LEPR: variants seen among roughly 807,000 people sequenced by gnomAD.
LEPR encodes leptin receptor, also known as OB receptor.
In LEPR, 56 loss-of-function variants were observed where a neutral mutation model predicts 114.7. The observed-to-expected ratio is 0.49, with a 90% CI of 0.39 to 0.61. The LOEUF (loss-of-function observed/expected upper bound fraction) is 0.61. Among genes scored for constraint, LEPR ranks in the 20% least tolerant of loss-of-function variants. The pLI is 0.00. For missense variants in LEPR, 1,202 were observed against 1,352.9 expected (o/e 0.89, Z 1.75); for synonymous variants, 443 against 461.4 (o/e 0.96, Z 0.51).
intron 3 of LEPR, among the ~76,000 whole-genome samples, chr1:65,567,742 TA>T (rs1470106612): frequency 6.6e-6 from 1 of 152,232 alleles, no homozygotes; most frequent in African/African-American, 2.4e-5. Context: ...CTTACATTTT[TA>T]AAAAGCCTTT....
chr1:65,521,080 C>T (rs1247022472), intron 2 of LEPR, among the ~76,000 whole-genome samples: 3 of 152,218 alleles, frequency 2.0e-5, no homozygotes, highest in African/African-American at 7.2e-5. Flanking sequence ...CTGTTCCCAA[C>T]AGTTGTTGGC....
chr1:65,491,681 A>G (rs962371635), intron 2 of LEPR, among the ~76,000 whole-genome samples: 3 of 152,114 alleles, frequency 2.0e-5, no homozygotes, highest in African/African-American at 7.2e-5. Flanking sequence ...GCCAGACATT[A>G]CAGTGGGGAG....
At chr1:65,592,602 C>G in intron 5 of LEPR, 55 bp from the exon 6 acceptor site, 2 of 1,583,590 alleles carry the variant, frequency 1.3e-6, no homozygotes, top group East Asian at 2.2e-5. Flanking sequence ...GCTTTAAAAG[C>G]CTATCCAGTA....
intron 19 of LEPR, chr1:65,635,527 T>C (rs1658687163): frequency 3.8e-6 from 1 of 265,674 alleles, no homozygotes; most frequent in Non-Finnish European, 5.8e-6. Context: ...TGTGATCATC[T>C]CTTTCATCAT....
At chr1:65,424,503 T>G (rs1646318200) in intron 1 of LEPR, among the ~76,000 whole-genome samples, 1 of 152,052 alleles carries the variant, frequency 6.6e-6, no homozygotes, top group Non-Finnish European at 1.5e-5. Flanking sequence ...ATCCATTGGA[T>G]AGGGGTTAGG....
intron 2 of LEPR, among the ~76,000 whole-genome samples, chr1:65,512,548 A>G (rs1039470101): frequency 2.6e-5 from 4 of 152,198 alleles, no homozygotes; most frequent in Middle Eastern, 3.4e-3. Context: ...ACACTTTTCA[A>G]TGCACTTCAG....
chr1:65,564,201 C>T (rs867496383), intron 2 of LEPR, among the ~76,000 whole-genome samples: 888 of 131,820 alleles, frequency 6.7e-3, no homozygotes, highest in Middle Eastern at 8.3e-3. Flanking sequence ...TAGCAATCAG[C>T]GAGATTCCGT....
intron 2 of LEPR, among the ~76,000 whole-genome samples, chr1:65,525,315 C>G (rs538812354): frequency 1.9e-3 from 291 of 152,304 alleles, no homozygotes; most frequent in African/African-American, 6.5e-3. Flanking sequence ...CTATCTCAAG[C>G]CTGCGGTCAC....
intron 19 of LEPR, among the ~76,000 whole-genome samples, chr1:65,629,040 C>T (rs773957890): frequency 2.0e-5 from 3 of 152,054 alleles, no homozygotes; most frequent in Non-Finnish European, 4.4e-5. Context: ...GAAATGTAGA[C>T]GGTATCTATT....
At chr1:65,576,573 T>C (rs1358066920) in intron 5 of LEPR, 1 of 154,048 alleles carries the variant, frequency 6.5e-6, no homozygotes, top group Non-Finnish European at 1.4e-5. Context: ...GGGTCCCAGA[T>C]ATCTGCATCT....
chr1:65,455,662 G>A (rs1249940315), intron 2 of LEPR, among the ~76,000 whole-genome samples: 1 of 152,194 alleles, frequency 6.6e-6, no homozygotes, highest in African/African-American at 2.4e-5. Flanking sequence ...GCTGCGTGCT[G>A]GGAGAACCAC....
intron 2 of LEPR, among the ~76,000 whole-genome samples, chr1:65,439,401 T>C (rs901968795): frequency 6.6e-6 from 1 of 152,206 alleles, no homozygotes; most frequent in African/African-American, 2.4e-5. Flanking sequence ...AAATGATTTT[T>C]GATGTTAAGG....
Position 65,499,235 on chromosome 1 carries a change from GA to G in LEPR, c.-20-66308del, listed in dbSNP as rs577717288. On this transcript the variant is annotated intron_variant, in intron 2 of 19. Transcript: ENST00000349533. ...TTTTAGGACATAGGAAAGATGGGGG[GA>G]AATAGATGGCAAACTAATTGTAAGT... Among the ~76,000 whole-genome samples, 673 of 152,192 alleles carry G rather than the reference GA, an allele frequency of 4.4e-3. 6 individuals are homozygous for G. Among genetic ancestry groups the G allele is most frequent in the South Asian group, 0.029 (140 of 4,822 alleles).
At chr1:65,555,929 G>A (rs975616205) in intron 2 of LEPR, among the ~76,000 whole-genome samples, 5 of 152,106 alleles carry the variant, frequency 3.3e-5, no homozygotes, top group African/African-American at 1.2e-4. Flanking sequence ...TGACTGCTAA[G>A]GCACATTACT....
At chr1:65,444,692 G>A (rs377047444) in intron 2 of LEPR, among the ~76,000 whole-genome samples, 1 of 152,064 alleles carries the variant, frequency 6.6e-6, no homozygotes. Flanking sequence ...AGGAAGGGAT[G>A]AATAACTTTA....
At chr1:65,602,934 G>C (rs1395263832) in intron 10 of LEPR, among the ~76,000 whole-genome samples, 1 of 152,072 alleles carries the variant, frequency 6.6e-6, no homozygotes, top group Non-Finnish European at 1.5e-5. Context: ...TTTATAATCT[G>C]TCTTTACATT....
In LEPR at chr1:65,505,899, G is replaced by A. The variant is rs530700010; in HGVS notation, c.-20-59647G>A. Among the ~76,000 whole-genome samples the A allele has an allele frequency of 4.6e-5, 7 of 152,018 alleles. No individual in the cohort carries two copies. The East Asian group carries it at 1.2e-3, about 25-fold the overall frequency. The stretch of plus-strand genomic sequence containing the variant: ...TCATTGTCAATTCTCTGGAAATGAT[G>A]ACTCTTTCTCCCCCACCTCTTTTTA... On this transcript the variant is annotated intron_variant, in intron 2 of 19. Transcript: ENST00000349533.
chr1:65,616,959 C>T (rs1273765787), intron 15 of LEPR, among the ~76,000 whole-genome samples: 2 of 152,126 alleles, frequency 1.3e-5, no homozygotes, highest in African/African-American at 4.8e-5. Flanking sequence ...CAGAGTGCTT[C>T]CTGTCTTTCT....
chr1:65,638,225 A>G lies in LEPR; in HGVS notation c.*1210A>G, dbSNP rs533122151. On this transcript the variant is annotated 3_prime_UTR_variant, in exon 20 of 20. Transcript: ENST00000349533. ...ATTAGCTGAGTGTGACAGAAAAAAT[A>G]AAGATTATAAAATGTATTAAGTAGA... 1 of 152,288 alleles carries G rather than the reference A, an allele frequency of 6.6e-6. No individual in the cohort carries two copies. Among genetic ancestry groups the G allele is most frequent in the South Asian group, 2.1e-4 (1 of 4,826 alleles). 9.4% of individuals were successfully genotyped at this position (152,288 alleles called of 1,614,324 possible).
Sources: allele counts gnomAD v4.1 joint callset (sites outside exome capture counted in the v4.1 genomes callset), GRCh38; gene constraint gnomAD v4.1.1; transcripts MANE v1.5; gene names NCBI Gene and HGNC (gene_info 2026-07-23, HGNC 2026-07-21).